The following NXPH1 variants were observed in gnomAD, a reference collection of about 807,000 sequenced individuals.
NXPH1 encodes neurexophilin-1.
A neutral mutation model predicts 23.7 loss-of-function variants in NXPH1; 5 were observed. The observed-to-expected ratio is 0.21, with a 90% CI of 0.11 to 0.44. The LOEUF (loss-of-function observed/expected upper bound fraction) is 0.44. Ranked by LOEUF, NXPH1 falls within the 20% of genes least tolerant of loss-of-function variation. The pLI, the probability that NXPH1 is intolerant of heterozygous loss-of-function variation, is 0.99. For missense variants in NXPH1, 324 were observed against 321.6 expected (o/e 1.01, Z -0.06); for synonymous variants, 144 against 122.2 (o/e 1.18, Z -1.18).
chr7:8,593,428 G>A (rs1819146145), intron 2 of NXPH1, among the ~76,000 whole-genome samples: 2 of 151,930 alleles, frequency 1.3e-5, no homozygotes, highest in Non-Finnish European at 2.9e-5. Flanking sequence ...TAGAATTAGT[G>A]TCATATTTCC....
At chr7:8,592,669 T>G (rs1030874254) in intron 2 of NXPH1, among the ~76,000 whole-genome samples, 2 of 152,032 alleles carry the variant, frequency 1.3e-5, no homozygotes, top group African/African-American at 2.4e-5. Context: ...TTTACAGAGC[T>G]CATCGTCTCT....
intron 2 of NXPH1, among the ~76,000 whole-genome samples, chr7:8,739,705 G>T (rs1780328561): frequency 6.6e-6 from 1 of 151,750 alleles, no homozygotes; most frequent in Non-Finnish European, 1.5e-5. Flanking sequence ...TGATTATTGT[G>T]TAATAACACT....
intron 2 of NXPH1, among the ~76,000 whole-genome samples, chr7:8,684,027 A>C (rs1161583962): frequency 6.6e-6 from 1 of 152,152 alleles, no homozygotes; most frequent in Non-Finnish European, 1.5e-5. Flanking sequence ...GGGGCACAGC[A>C]CTTCAGGTAG....
chr7:8,738,538 T>C (rs1780302194), intron 2 of NXPH1, among the ~76,000 whole-genome samples: 1 of 152,168 alleles, frequency 6.6e-6, no homozygotes. Context: ...GCTGGAGCTC[T>C]CCTATATGAG....
intron 2 of NXPH1, among the ~76,000 whole-genome samples, chr7:8,626,988 T>A (rs1319108590): frequency 6.6e-6 from 1 of 152,160 alleles, no homozygotes; most frequent in African/African-American, 2.4e-5. Context: ...TCTTTGAATA[T>A]CCTGTGAACG....
At position 8,565,654 on chromosome 7, in the gene NXPH1, C is replaced by T. The variant is rs116975764; in HGVS notation, c.54+129887C>T. Among the ~76,000 whole-genome samples, 277 of 151,858 alleles carry T rather than the reference C, an allele frequency of 1.8e-3. 6 individuals are homozygous for T. The East Asian group carries it at 0.045, about 25-fold the overall frequency. Reference sequence around the variant, plus strand: ...CAAAATATTGAAATATTTTGACTTACGCCACATCTTTTTAAACTTTATAAT... The same window carrying T: ...CAAAATATTGAAATATTTTGACTTATGCCACATCTTTTTAAACTTTATAAT... On this transcript the variant is annotated intron_variant, in intron 2 of 2. Transcript: ENST00000405863.
At chr7:8,546,392 T>C (rs1461669458) in intron 2 of NXPH1, among the ~76,000 whole-genome samples, 1 of 151,452 alleles carries the variant, frequency 6.6e-6, no homozygotes, top group African/African-American at 2.4e-5. Context: ...TATTATTATA[T>C]GCCTGTGAGT....
At chr7:8,739,367 A>C (rs1349433793) in intron 2 of NXPH1, among the ~76,000 whole-genome samples, 2 of 152,026 alleles carry the variant, frequency 1.3e-5, no homozygotes, top group African/African-American at 2.4e-5. Context: ...CCTTCAAGGC[A>C]CATTCTCTCA....
chr7:8,652,670 G>GAGT (rs1820508117), intron 2 of NXPH1, among the ~76,000 whole-genome samples: 1 of 152,122 alleles, frequency 6.6e-6, no homozygotes, highest in African/African-American at 2.4e-5. Context: ...TATTTCTGGA[G>GAGT]AGTAGCCTTG....
intron 2 of NXPH1, among the ~76,000 whole-genome samples, chr7:8,546,353 G>A (rs1818197752): frequency 6.6e-6 from 1 of 151,304 alleles, no homozygotes; most frequent in Admixed American, 6.6e-5. Flanking sequence ...AACGAGATGG[G>A]GATATTCTTT....
intron 2 of NXPH1, among the ~76,000 whole-genome samples, chr7:8,482,807 A>G (rs923764739): frequency 2.0e-5 from 3 of 152,182 alleles, no homozygotes; most frequent in Admixed American, 2.0e-4. Flanking sequence ...GAGACTGATA[A>G]GCGGGCCTTA....
At chr7:8,717,822 C>A (rs1296840409) in intron 2 of NXPH1, among the ~76,000 whole-genome samples, 2 of 151,378 alleles carry the variant, frequency 1.3e-5, no homozygotes, top group African/African-American at 2.4e-5. Context: ...ATAAAGGATT[C>A]TAGGTTTTCC....
intron 2 of NXPH1, among the ~76,000 whole-genome samples, chr7:8,588,578 C>T (rs989078992): frequency 1.3e-5 from 2 of 152,124 alleles, no homozygotes; most frequent in African/African-American, 2.4e-5. Context: ...TTAATTTCCA[C>T]AGCCCTCCAG....
intron 2 of NXPH1, among the ~76,000 whole-genome samples, chr7:8,591,485 C>CTA (rs1401173895): frequency 2.0e-5 from 3 of 151,984 alleles, no homozygotes; most frequent in Non-Finnish European, 2.9e-5. Flanking sequence ...TACCCTACTC[C>CTA]TAGTTGTCTT....
At chr7:8,587,071 A>C (rs1204969022) in intron 2 of NXPH1, among the ~76,000 whole-genome samples, 1 of 152,200 alleles carries the variant, frequency 6.6e-6, no homozygotes, top group Non-Finnish European at 1.5e-5. Flanking sequence ...ATGTAAAAAT[A>C]GTGTCAAAAT....
chr7:8,571,426 G>A (rs773004896), intron 2 of NXPH1, among the ~76,000 whole-genome samples: 3 of 151,750 alleles, frequency 2.0e-5, no homozygotes, highest in Admixed American at 2.0e-4. Flanking sequence ...GGGGAAATTT[G>A]GGGGGAACAG....
At chr7:8,716,909 A>T (rs550524780) in intron 2 of NXPH1, among the ~76,000 whole-genome samples, 1 of 151,870 alleles carries the variant, frequency 6.6e-6, no homozygotes, top group South Asian at 2.1e-4. Context: ...TTATTTCTTC[A>T]CCTCCCTAAT....
intron 2 of NXPH1, among the ~76,000 whole-genome samples, chr7:8,535,438 T>G (rs1314266036): frequency 6.6e-6 from 1 of 151,982 alleles, no homozygotes; most frequent in Non-Finnish European, 1.5e-5. Context: ...TACCCTGAAA[T>G]TAGATGACCT....
intron 2 of NXPH1, among the ~76,000 whole-genome samples, chr7:8,731,806 C>A (rs1780159162): frequency 2.0e-5 from 3 of 152,216 alleles, no homozygotes; most frequent in Non-Finnish European, 1.5e-5. Context: ...TTGTCTGTGC[C>A]CTGCCCCAAG....
Sources: gnomAD v4.1 joint callset for allele counts (sites outside exome capture counted in the v4.1 genomes callset) on GRCh38, gnomAD v4.1.1 for gene constraint, MANE v1.5 for transcripts, NCBI Gene and HGNC (gene_info 2026-07-23, HGNC 2026-07-21) for gene names.